The following RARB variants were observed in gnomAD, a reference collection of about 807,000 sequenced individuals.
RARB encodes retinoic acid receptor beta.
A neutral mutation model predicts 51.9 loss-of-function variants in RARB; 17 were observed. The ratio of observed to expected loss-of-function variants is 0.33; its 90% CI spans 0.22 to 0.49. The LOEUF (loss-of-function observed/expected upper bound fraction) is 0.49, where lower values mean the gene tolerates loss of function less well. RARB is among the 20% of genes least tolerant of loss of function. RARB has a pLI of 0.99. For synonymous variants in RARB, 215 were observed against 195.4 expected (o/e 1.10, Z -0.84); for missense variants, 369 against 550.8 (o/e 0.67, Z 3.30).
At position 25,292,047 on chromosome 3, in the gene RARB, C is replaced by CT. The variant is rs35112634; in HGVS notation, c.178+117483dup. ...AAGGGGGTAGTGAGTCTTCCTCCCA[C>CT]TTTTTTTTTTTGCCAAACCTTGATA... On this transcript the variant is annotated intron_variant, in intron 5 of 11. Transcript: ENST00000383772. Among the ~76,000 whole-genome samples, 1,162 of 147,396 alleles carry CT rather than the reference C, an allele frequency of 7.9e-3. 8 individuals carry two copies. The highest frequency in any genetic ancestry group is 0.052 in the East Asian group (265 of 5,050).
intron 5 of RARB, among the ~76,000 whole-genome samples, chr3:25,421,575 C>T (rs900602058): frequency 6.6e-6 from 1 of 151,810 alleles, no homozygotes; most frequent in Non-Finnish European, 1.5e-5. Flanking sequence ...CCATGCCCGG[C>T]TAATTTTTTT....
At chr3:25,363,041 A>C (rs1013078435) in intron 5 of RARB, among the ~76,000 whole-genome samples, 2 of 151,804 alleles carry the variant, frequency 1.3e-5, no homozygotes, top group African/African-American at 4.9e-5. Flanking sequence ...AGTGGATAGG[A>C]GCTTTAAAAA....
intron 2 of RARB, among the ~76,000 whole-genome samples, chr3:24,999,183 C>T (rs1575112310): frequency 6.6e-6 from 1 of 152,134 alleles, no homozygotes; most frequent in South Asian, 2.1e-4. Context: ...TACTTATGTA[C>T]TTGCTGAATG....
intron 4 of RARB, among the ~76,000 whole-genome samples, chr3:25,163,340 C>CA (rs1012638409): frequency 4.0e-4 from 60 of 150,830 alleles, no homozygotes; most frequent in Admixed American, 2.6e-4. Context: ...CCTGTCTCTA[C>CA]AAAAAAAATA....
At position 25,353,674 on chromosome 3, in the gene RARB, C is replaced by T. The variant is rs185971769; in HGVS notation, c.179-107519C>T. Among the ~76,000 whole-genome samples, 220 of 151,232 alleles carry T rather than the reference C, an allele frequency of 1.5e-3. 4 individuals are homozygous for T. Among genetic ancestry groups the T allele is most frequent in the Non-Finnish European group, 2.7e-4 (18 of 67,880 alleles). ...AAACCAAAATTCTGATAACTCTTAA[C>T]GTTGTAGGTGGCCATGATTGACAGA... On this transcript the variant is annotated intron_variant, in intron 5 of 11. Coordinates refer to the RARB transcript ENST00000383772.
At chr3:25,546,303 C>T (rs1454350778) in intron 3 of RARB, among the ~76,000 whole-genome samples, 1 of 152,188 alleles carries the variant, frequency 6.6e-6, no homozygotes, top group Non-Finnish European at 1.5e-5. Flanking sequence ...CAGAAGAGTG[C>T]CACACTGGGG....
Position 25,509,170 on chromosome 3 carries a change from C to T in RARB, c.448+7847C>T, listed in dbSNP as rs114716810. On this transcript the variant is annotated intron_variant, in intron 3 of 7. Coordinates refer to ENST00000330688, the MANE Select transcript of RARB (RefSeq NM_000965.5). ...CTGAGCTGAGGTCAAATGCAGCCCTCGCCTCTAGCTATCTCAACTTGGGCA... is the reference window on the plus strand; with the variant it reads ...CTGAGCTGAGGTCAAATGCAGCCCTTGCCTCTAGCTATCTCAACTTGGGCA... Among the ~76,000 whole-genome samples the T allele has an allele frequency of 3.6e-3, 550 of 152,336 alleles. 2 individuals are homozygous for T. Among genetic ancestry groups the T allele is most frequent in the African/African-American group, 0.013 (525 of 41,582 alleles).
intron 5 of RARB, among the ~76,000 whole-genome samples, chr3:25,187,015 G>A (rs959286904): frequency 6.7e-6 from 1 of 149,908 alleles, no homozygotes; most frequent in Non-Finnish European, 1.5e-5. Flanking sequence ...GGATTTAATG[G>A]TAATACCCTG....
intron 3 of RARB, among the ~76,000 whole-genome samples, chr3:25,531,107 T>G (rs989856247): frequency 6.6e-6 from 1 of 152,184 alleles, no homozygotes; most frequent in African/African-American, 2.4e-5. Flanking sequence ...TTAGTTATTC[T>G]GTGTGCAAGT....
At chr3:25,164,356 A>G (rs1293777537) in intron 4 of RARB, among the ~76,000 whole-genome samples, 3 of 152,190 alleles carry the variant, frequency 2.0e-5, no homozygotes, top group Non-Finnish European at 4.4e-5. Context: ...CCTGCTTCAT[A>G]TAGGTGGGAA....
At chr3:25,443,670 G>A (rs567182751) in intron 1 of RARB, among the ~76,000 whole-genome samples, 26 of 151,904 alleles carry the variant, frequency 1.7e-4, no homozygotes, top group African/African-American at 6.0e-4. Context: ...GGTGGCTCAT[G>A]CCTGTAATCC....
At chr3:25,506,201 C>T (rs1575469610) in intron 3 of RARB, among the ~76,000 whole-genome samples, 2 of 142,478 alleles carry the variant, frequency 1.4e-5, no homozygotes, top group South Asian at 2.2e-4. Context: ...TGCAATAAGC[C>T]GAGATCGCAC....
chr3:25,213,416 C>T (rs1217727765), intron 5 of RARB, among the ~76,000 whole-genome samples: 2 of 152,192 alleles, frequency 1.3e-5, no homozygotes, highest in African/African-American at 2.4e-5. Context: ...TTTCACTTCC[C>T]GGTGGTATTC....
intron 2 of RARB, among the ~76,000 whole-genome samples, chr3:25,038,133 C>T (rs986714049): frequency 6.6e-5 from 10 of 152,144 alleles, no homozygotes; most frequent in African/African-American, 1.9e-4. Flanking sequence ...AATCCTTTAG[C>T]ATGGATGGTC....
At chr3:25,432,922 A>G (rs918009036) in intron 1 of RARB, among the ~76,000 whole-genome samples, 4 of 152,234 alleles carry the variant, frequency 2.6e-5, no homozygotes, top group Non-Finnish European at 4.4e-5. Flanking sequence ...ACAGGATTTT[A>G]ACAATAAATG....
At chr3:25,080,725 T>C (rs1698977701) in intron 3 of RARB, among the ~76,000 whole-genome samples, 3 of 152,202 alleles carry the variant, frequency 2.0e-5, no homozygotes, top group Admixed American at 2.0e-4. Flanking sequence ...GAGAAATCTA[T>C]ATTTAAGCCA....
intron 3 of RARB, among the ~76,000 whole-genome samples, chr3:25,067,818 A>G (rs1698691963): frequency 6.6e-6 from 1 of 152,124 alleles, no homozygotes; most frequent in Non-Finnish European, 1.5e-5. Context: ...TTGGCTAGAA[A>G]CAAATTAACT....
intron 5 of RARB, among the ~76,000 whole-genome samples, chr3:25,368,526 C>T (rs955000675): frequency 6.6e-6 from 1 of 152,190 alleles, no homozygotes; most frequent in Non-Finnish European, 1.5e-5. Context: ...TCATTAAAGA[C>T]TGCTAATATA....
chr3:25,588,630 G>A (rs1265812351), intron 5 of RARB, among the ~76,000 whole-genome samples: 1 of 152,168 alleles, frequency 6.6e-6, no homozygotes, highest in East Asian at 1.9e-4. Context: ...TTCTGGCTCG[G>A]TATCTGTCAT....
Sources: gnomAD v4.1 joint callset for allele counts (sites outside exome capture counted in the v4.1 genomes callset) on GRCh38, gnomAD v4.1.1 for gene constraint, MANE v1.5 for transcripts, NCBI Gene and HGNC (gene_info 2026-07-23, HGNC 2026-07-21) for gene names.